SYN2: variants seen among roughly 807,000 people sequenced by gnomAD.
SYN2 encodes synapsin-2.
In SYN2, 19 loss-of-function variants were observed where a neutral mutation model predicts 50.9. The observed-to-expected ratio is 0.37, with a 90% CI of 0.26 to 0.55. The LOEUF is 0.55. SYN2 is among the 20% of genes least tolerant of loss of function. SYN2 has a pLI of 0.81. For synonymous variants in SYN2, 255 were observed against 224.9 expected (o/e 1.13, Z -1.20); for missense variants, 587 against 576.4 (o/e 1.02, Z -0.19).
At chr3:12,064,655 T>C (rs1459470807) in intron 1 of SYN2, among the ~76,000 whole-genome samples, 1 of 152,070 alleles carries the variant, frequency 6.6e-6, no homozygotes, top group Non-Finnish European at 1.5e-5. Context: ...CTAACGGAAG[T>C]GTGTCACAAA....
rs1159716089 is a variant in SYN2 at position 12,187,487 on chromosome 3, G to A, written c.1488G>A (p.Ser496=). 8.4e-6 allele frequency: 13 copies of A among 1,553,902 alleles called. No homozygotes were observed. Among genetic ancestry groups the A allele is most frequent in the African/African-American group, 2.7e-5 (2 of 72,980 alleles). ...CTTCCTCCTCTTCTTCCTCCTCCTCGGCTCCTCAGCGGCCGGGCGGCCCCA... is the reference window on the plus strand; with the variant it reads ...CTTCCTCCTCTTCTTCCTCCTCCTCAGCTCCTCAGCGGCCGGGCGGCCCCA... The part of the protein sequence containing the change: ...SSSSSSSSSS[S]APQRPGGPTT... The change falls in exon 12 of 13, where the codon TCG becomes TCA. Residue 496 remains serine (S), a synonymous_variant. Transcript: ENST00000621198.
At chr3:12,015,157 C>T (rs922265959) in intron 1 of SYN2, among the ~76,000 whole-genome samples, 1 of 152,186 alleles carries the variant, frequency 6.6e-6, no homozygotes, top group African/African-American at 2.4e-5. Flanking sequence ...TCTCCTGTGT[C>T]TTTACCTGGA....
At chr3:12,156,819 C>A in intron 5 of SYN2, 1 of 1,611,986 alleles carries the variant, frequency 6.2e-7, no homozygotes, top group Non-Finnish European at 8.5e-7. Context: ...TTTTAACTTA[C>A]CAGTCAAGAG....
At chr3:12,015,167 A>T (rs1001027138) in intron 1 of SYN2, among the ~76,000 whole-genome samples, 1 of 152,184 alleles carries the variant, frequency 6.6e-6, no homozygotes, top group African/African-American at 2.4e-5. Context: ...CTTTACCTGG[A>T]TAATCTTCAA....
At chr3:12,025,717 C>T (rs1342532799) in intron 1 of SYN2, among the ~76,000 whole-genome samples, 1 of 151,962 alleles carries the variant, frequency 6.6e-6, no homozygotes, top group Non-Finnish European at 1.5e-5. Flanking sequence ...TATAAGTGGT[C>T]CCCTTCTGAT....
At chr3:12,024,467 C>A (rs1267812652) in intron 1 of SYN2, among the ~76,000 whole-genome samples, 1 of 152,084 alleles carries the variant, frequency 6.6e-6, no homozygotes. Context: ...GAACAGATAA[C>A]CACTATTTTG....
In SYN2 at chr3:12,030,616, T is replaced by A. The variant is rs1046342494; in HGVS notation, c.377+25688T>A. On this transcript the variant is annotated intron_variant, in intron 1 of 12. Transcript: ENST00000621198. ...CCTGGTTTAGTCTTGGGAGAGTGTA[T>A]GTGTCGAGGAATGTATCCATTTCTT... 4.8e-4 allele frequency among the ~76,000 whole-genome samples: 71 copies of A among 149,074 alleles called. 2 individuals are homozygous for A. In the East Asian group the frequency reaches 0.012, roughly 25 times the overall value.
At chr3:12,166,378 GTCTT>G (rs1370661201) in intron 7 of SYN2, among the ~76,000 whole-genome samples, 2 of 152,206 alleles carry the variant, frequency 1.3e-5, no homozygotes, top group African/African-American at 2.4e-5. Context: ...GTATCAATTG[GTCTT>G]TCTGACAGCC....
intron 1 of SYN2, among the ~76,000 whole-genome samples, chr3:12,076,647 C>T (rs1231222563): frequency 2.0e-5 from 3 of 151,918 alleles, no homozygotes; most frequent in South Asian, 2.1e-4. Context: ...GTGTTTTACC[C>T]GTTTTAATTT....
intron 1 of SYN2, among the ~76,000 whole-genome samples, chr3:12,095,213 T>C (rs1346149982): frequency 6.6e-6 from 1 of 151,726 alleles, no homozygotes; most frequent in Admixed American, 6.6e-5. Context: ...CTGGCTTCCG[T>C]ACCATTCCCC....
chr3:12,070,557 G>T lies in SYN2; in HGVS notation c.377+65629G>T, dbSNP rs1363836060. ...GGAGCACCTGGTGCTGCTGACGGAG[G>T]CCCTTGTGAACCCCAAGGCCAACAG... On this transcript the variant is annotated intron_variant, in intron 1 of 12. Transcript: ENST00000621198. 6.1e-6 allele frequency: 7 copies of T among 1,143,172 alleles called. No individual in the cohort carries two copies. In the African/African-American group the frequency reaches 9.4e-5, roughly 15 times the overall value. 70.8% of individuals were successfully genotyped at this position (1,143,172 alleles called of 1,614,324 possible).
intron 1 of SYN2, among the ~76,000 whole-genome samples, chr3:12,076,767 A>G (rs888831568): frequency 6.6e-6 from 1 of 152,090 alleles, no homozygotes; most frequent in Non-Finnish European, 1.5e-5. Context: ...TGTGTTTTGA[A>G]CACAGGTCTA....
chr3:12,169,754 C>T lies in SYN2; in HGVS notation c.1159-3C>T, dbSNP rs1697895425. On this transcript the variant is annotated splice_polypyrimidine_tract_variant and splice_region_variant and intron_variant, in intron 9 of 12. Coordinates refer to ENST00000621198, the MANE Select transcript of SYN2 (RefSeq NM_133625.6). The stretch of plus-strand genomic sequence containing the variant: ...TCCTCACCTGGGACACATCTCCCAC[C>T]AGGTCATGGACTGTAGCATGCCACT... 1.9e-6 allele frequency: 3 copies of T among 1,613,558 alleles called. No homozygotes were observed. The highest frequency in any genetic ancestry group is 1.1e-5 in the South Asian group (1 of 91,050).
At chr3:12,115,328 C>T (rs1387334587) in intron 1 of SYN2, among the ~76,000 whole-genome samples, 1 of 152,168 alleles carries the variant, frequency 6.6e-6, no homozygotes, top group Non-Finnish European at 1.5e-5. Flanking sequence ...CACTCAGATT[C>T]TGCTGCATGG....
chr3:12,099,765 C>A (rs1451474874), intron 1 of SYN2, among the ~76,000 whole-genome samples: 1 of 151,916 alleles, frequency 6.6e-6, no homozygotes, highest in Admixed American at 6.6e-5. Flanking sequence ...GAGATCGAGA[C>A]CATCCTGGCT....
chr3:12,032,256 A>T (rs1258352553), intron 1 of SYN2, among the ~76,000 whole-genome samples: 1 of 43,698 alleles, frequency 2.3e-5, no homozygotes, highest in Non-Finnish European at 5.5e-5. Flanking sequence ...ATCCGCTGTT[A>T]GTCTGATGGG....
At chr3:12,156,280 C>T (rs998237221) in intron 5 of SYN2, among the ~76,000 whole-genome samples, 2 of 152,182 alleles carry the variant, frequency 1.3e-5, no homozygotes, top group African/African-American at 4.8e-5. Context: ...CAAATAGTTC[C>T]GTTCTCTGAA....
chr3:12,024,359 C>G (rs929709358), intron 1 of SYN2, among the ~76,000 whole-genome samples: 8 of 151,888 alleles, frequency 5.3e-5, no homozygotes, highest in Non-Finnish European at 8.8e-5. Context: ...GGGGTTTCAC[C>G]ATGTTGGCCA....
intron 1 of SYN2, among the ~76,000 whole-genome samples, chr3:12,119,236 A>G (rs9310399): frequency 0.08 from 12,189 of 152,066 alleles, 844 homozygotes; most frequent in East Asian, 0.19. Context: ...AAAAAAAACA[A>G]TAACAACTCT....
Sources: gnomAD v4.1 joint callset for allele counts (sites outside exome capture counted in the v4.1 genomes callset) on GRCh38, gnomAD v4.1.1 for gene constraint, MANE v1.5 for transcripts, NCBI Gene and HGNC (gene_info 2026-07-23, HGNC 2026-07-21) for gene names.